Variants in SH3D19 observed in about 807,000 individuals in gnomAD.
SH3D19 encodes the protein SH3 domain containing 19.
In SH3D19, 58 loss-of-function variants were observed where a neutral mutation model predicts 112.1. That is an observed-to-expected ratio of 0.52 (90% confidence interval 0.42 to 0.64). The LOEUF (loss-of-function observed/expected upper bound fraction) is 0.64. Among genes scored for constraint, SH3D19 ranks in the 30% least tolerant of loss-of-function variants. The pLI is 0.00. For synonymous variants in SH3D19, 391 were observed against 448.5 expected (o/e 0.87, Z 1.62); for missense variants, 1,090 against 1,263.4 (o/e 0.86, Z 2.08).
At chr4:151,307,268 C>T (rs987381854) in intron 1 of SH3D19, among the ~76,000 whole-genome samples, 2 of 152,170 alleles carry the variant, frequency 1.3e-5, no homozygotes, top group South Asian at 2.1e-4. Flanking sequence ...GTGATCCGCC[C>T]GCCTCGGCCT....
intron 2 of SH3D19, among the ~76,000 whole-genome samples, chr4:151,214,462 T>C (rs1580198709): frequency 2.5e-5 from 1 of 40,440 alleles, no homozygotes; most frequent in African/African-American, 4.1e-5. Flanking sequence ...GGCGGGGGGC[T>C]GACCCCCCAC....
intron 11 of SH3D19, among the ~76,000 whole-genome samples, chr4:151,147,252 T>A (rs918519484): frequency 6.6e-6 from 1 of 152,170 alleles, no homozygotes; most frequent in Non-Finnish European, 1.5e-5. Context: ...GGTGATAGAA[T>A]GACACTCCAT....
chr4:151,150,913 C>G (rs987681986), intron 9 of SH3D19, among the ~76,000 whole-genome samples: 9 of 151,140 alleles, frequency 6.0e-5, no homozygotes, highest in African/African-American at 1.9e-4. Flanking sequence ...GATCTCAAAG[C>G]CAAAATTTCT....
At chr4:151,300,542 C>T (rs1728295446) in intron 1 of SH3D19, 2 of 149,472 alleles carry the variant, frequency 1.3e-5, no homozygotes, top group Admixed American at 6.7e-5. Context: ...AACACGTATA[C>T]TAAAATTGGA....
At chr4:151,312,389 A>C (rs1278230753) in intron 1 of SH3D19, among the ~76,000 whole-genome samples, 1 of 152,368 alleles carries the variant, frequency 6.6e-6, no homozygotes, top group East Asian at 1.9e-4. Context: ...ATACAACTTT[A>C]AAAATCCAGT....
At chr4:151,155,191 G>A (rs769074495) in intron 9 of SH3D19, among the ~76,000 whole-genome samples, 10 of 152,194 alleles carry the variant, frequency 6.6e-5, no homozygotes, top group Non-Finnish European at 1.3e-4. Flanking sequence ...TTTCAGAGTA[G>A]AAGCCAACCT....
At chr4:151,318,809 A>G (rs1367076639) in intron 1 of SH3D19, among the ~76,000 whole-genome samples, 1 of 152,252 alleles carries the variant, frequency 6.6e-6, no homozygotes, top group Non-Finnish European at 1.5e-5. Flanking sequence ...TCACACAGCC[A>G]GTGGTCAGCC....
chr4:151,213,708 G>A (rs1766386510), intron 2 of SH3D19, among the ~76,000 whole-genome samples: 1 of 136,836 alleles, frequency 7.3e-6, no homozygotes, highest in Non-Finnish European at 1.6e-5. Context: ...TTATTTGACA[G>A]GGTCTTGTTC....
chr4:151,232,996 A>C (rs1426599374), intron 1 of SH3D19, among the ~76,000 whole-genome samples: 1 of 152,292 alleles, frequency 6.6e-6, no homozygotes, highest in East Asian at 1.9e-4. Context: ...GGCAGGAAGC[A>C]AGCAAGAATT....
chr4:151,284,352 T>A lies in SH3D19; in HGVS notation c.112+40889A>T, dbSNP rs140617116. 6.8e-3 allele frequency among the ~76,000 whole-genome samples: 1,032 copies of A among 152,314 alleles called. 14 individuals carry two copies. Among genetic ancestry groups the A allele is most frequent in the African/African-American group, 0.023 (968 of 41,570 alleles). The stretch of plus-strand genomic sequence containing the variant: ...TTTCTGCTGTCATTTACATTTTAAG[T>A]CCATCTAGTGAAGTTTTTATTTCAG... On this transcript the variant is annotated intron_variant, in intron 1 of 19. Transcript: ENST00000604030.
At chr4:151,304,240 T>C (rs1042865220) in intron 1 of SH3D19, among the ~76,000 whole-genome samples, 7 of 152,206 alleles carry the variant, frequency 4.6e-5, no homozygotes, top group African/African-American at 1.4e-4. Context: ...AAAAACCTGA[T>C]AGAAACTGGC....
intron 9 of SH3D19, among the ~76,000 whole-genome samples, chr4:151,154,219 G>A (rs1393464166): frequency 9.5e-5 from 14 of 147,358 alleles, no homozygotes; most frequent in Non-Finnish European, 1.9e-4. Context: ...CACAACCTCC[G>A]CTTCCCAGGT....
intron 1 of SH3D19, among the ~76,000 whole-genome samples, chr4:151,290,929 C>A (rs944319670): frequency 4.6e-5 from 7 of 152,196 alleles, no homozygotes; most frequent in African/African-American, 1.7e-4. Context: ...AGGTCTCTGA[C>A]AATTTCAATT....
At chr4:151,231,397 T>C (rs1185101094) in intron 1 of SH3D19, among the ~76,000 whole-genome samples, 2 of 152,148 alleles carry the variant, frequency 1.3e-5, no homozygotes, top group Non-Finnish European at 2.9e-5. Flanking sequence ...ATACATACAC[T>C]TGAAAAGAAG....
rs1204641094 is a variant in SH3D19 at position 151,202,130 on chromosome 4, T to C, written c.153-14667A>G. Among the ~76,000 whole-genome samples, 5 of 152,074 alleles carry C rather than the reference T, an allele frequency of 3.3e-5. No individual in the cohort carries two copies. In the South Asian group the frequency reaches 8.3e-4, roughly 25 times the overall value. Reference sequence around the variant, plus strand: ...GCAGGTGGATCACGAGGTCAGGAGATCGAGACCATCCTGGTTAACACGGTG... The same window carrying C: ...GCAGGTGGATCACGAGGTCAGGAGACCGAGACCATCCTGGTTAACACGGTG... On this transcript the variant is annotated intron_variant, in intron 2 of 19. Coordinates refer to ENST00000604030, the MANE Select transcript of SH3D19 (RefSeq NM_001378122.1).
Position 151,283,528 on chromosome 4 carries a change from TTA to T in SH3D19, c.112+41711_112+41712del, listed in dbSNP as rs1491538823. On this transcript the variant is annotated intron_variant, in intron 1 of 19. Transcript: ENST00000604030. The stretch of plus-strand genomic sequence containing the variant: ...TTGGACTTTTTTTTTTTTTTTTTTT[TTA>T]AATTAGAGACAGAGCCTTGCTCTGT... Among the ~76,000 whole-genome samples the T allele has an allele frequency of 9.4e-3, 1,216 of 128,906 alleles. 12 individuals carry two copies. The highest frequency in any genetic ancestry group is 0.031 in the South Asian group (129 of 4,164). 84.6% of individuals were successfully genotyped at this position (128,906 alleles called of 152,430 possible).
At chr4:151,194,419 GA>G (rs1025376196) in intron 2 of SH3D19, among the ~76,000 whole-genome samples, 10 of 151,878 alleles carry the variant, frequency 6.6e-5, no homozygotes, top group African/African-American at 2.4e-4. Flanking sequence ...TAAATGCCAG[GA>G]AAAAAATAAG....
At chr4:151,136,850 A>G (rs1281087528) in intron 14 of SH3D19, among the ~76,000 whole-genome samples, 1 of 152,252 alleles carries the variant, frequency 6.6e-6, no homozygotes, top group Non-Finnish European at 1.5e-5. Flanking sequence ...CCTACCCTTC[A>G]TAATCCAAGA....
intron 11 of SH3D19, 130 bp downstream of exon 11, chr4:151,147,792 T>C (rs1754190183): frequency 1.7e-6 from 2 of 1,199,726 alleles, no homozygotes; most frequent in Admixed American, 2.5e-5. Flanking sequence ...GGCCTACTCA[T>C]CTAAAGCACT....
Sources: gnomAD v4.1 joint callset for allele counts (sites outside exome capture counted in the v4.1 genomes callset) on GRCh38, gnomAD v4.1.1 for gene constraint, MANE v1.5 for transcripts, NCBI Gene and HGNC (gene_info 2026-07-23, HGNC 2026-07-21) for gene names.